ATP1A4: variants seen among roughly 807,000 people sequenced by gnomAD.
ATP1A4 encodes ATPase Na+/K+ transporting subunit alpha 4.
Under a neutral mutation model 114.3 loss-of-function variants are expected in ATP1A4, and 90 were observed. That is an observed-to-expected ratio of 0.79 (90% confidence interval 0.66 to 0.94). ATP1A4 has a LOEUF of 0.94. ATP1A4 is among the 40% of genes least tolerant of loss of function. The pLI, the probability that ATP1A4 is intolerant of heterozygous loss-of-function variation, is 0.00. For missense variants in ATP1A4, 1,222 were observed against 1,313.6 expected, an observed-to-expected ratio of 0.93 and a Z score of 1.08; for synonymous variants, 511 against 494.1, an observed-to-expected ratio of 1.03 and a Z score of -0.45.
In ATP1A4 at chr1:160,166,569, C is replaced by T. The variant is rs1653043378; in HGVS notation, c.1089C>T (p.Asn363=). Residue 363 remains asparagine (N), a synonymous_variant, in exon 8 of 22, where the codon AAC becomes AAT. Transcript: ENST00000368081. ...CAGCCAAGCGCATGGCGCGGAAGAA[C>T]TGCCTGGTGAAGAACCTGGAGGCGG... The part of the protein sequence containing the change: ...TLTAKRMARK[N]CLVKNLEAVE... The T allele has an allele frequency of 6.2e-7, 1 of 1,614,256 alleles. No individual in the cohort carries two copies. Among genetic ancestry groups the T allele is most frequent in the Admixed American group, 1.7e-5 (1 of 60,028 alleles).
intron 7 of ATP1A4, 46 bp downstream of exon 7, chr1:160,164,470 C>T (rs1257755836): frequency 6.2e-7 from 1 of 1,601,572 alleles, no homozygotes; most frequent in East Asian, 2.2e-5. Flanking sequence ...ACAAACCACC[C>T]CAGGGAAAAG....
chr1:160,179,578 G>A (rs1026034847), intron 18 of ATP1A4, among the ~76,000 whole-genome samples: 3 of 152,116 alleles, frequency 2.0e-5, no homozygotes, highest in African/African-American at 4.8e-5. Flanking sequence ...CCACCCACCC[G>A]GGAAGTGCAT....
At chr1:160,163,162 C>A (rs721547) in intron 6 of ATP1A4, among the ~76,000 whole-genome samples, 7,726 of 152,132 alleles carry the variant, frequency 0.051, 538 homozygotes, top group African/African-American at 0.16. Flanking sequence ...ATGGAAAAAA[C>A]AAGAAACAGC....
At position 160,173,577 on chromosome 1, in the gene ATP1A4, C is replaced by A; in HGVS notation, c.1855-4C>A. The stretch of plus-strand genomic sequence containing the variant: ...GCTCCTCTTCCCTCTCCTTCCCAAC[C>A]CAGGTGATCATGGTAACAGGAGATC... On this transcript the variant is annotated splice_polypyrimidine_tract_variant and splice_region_variant and intron_variant, in intron 12 of 21. Transcript: ENST00000368081. 1 of 1,613,100 alleles carries A rather than the reference C, an allele frequency of 6.2e-7. No individual in the cohort carries two copies. Among genetic ancestry groups the A allele is most frequent in the Non-Finnish European group, 8.5e-7 (1 of 1,179,102 alleles).
At chr1:160,156,561 A>G (rs1157760776) in intron 4 of ATP1A4, among the ~76,000 whole-genome samples, 1 of 152,132 alleles carries the variant, frequency 6.6e-6, no homozygotes, top group Non-Finnish European at 1.5e-5. Context: ...TAAACAGACC[A>G]GGCATAGTGG....
rs1203814525 is a variant in ATP1A4, at chr1:160,166,708, A to G, written c.1228A>G (p.Thr410Ala). ...WFDMTVYEAD[T>A]TEEQTGKTFT... ...TGATATGACCGTGTATGAGGCCGAC[A>G]CCACTGAAGAACAGACTGGTGACTA... Residue 410 changes from threonine to alanine, a missense_variant, in exon 8 of 22, where the codon ACC (threonine) becomes GCC (alanine). Transcript: ENST00000368081. 3.1e-6 allele frequency: 5 copies of G among 1,614,098 alleles called. No individual in the cohort carries two copies. The African/African-American group carries it at 5.3e-5, about 17-fold the overall frequency.
chr1:160,173,865 A>G, intron 13 of ATP1A4, 148 bp downstream of exon 13: 5 of 1,152,660 alleles, frequency 4.3e-6, no homozygotes, highest in Non-Finnish European at 6.0e-6. Flanking sequence ...ATAATAGGAA[A>G]ATAAAGTGAA....
rs185068780 is a variant in ATP1A4 at position 160,173,684 on chromosome 1, G to A, written c.1958G>A (p.Arg653Gln). Reference sequence around the variant, plus strand: ...GAGACGGCAGAGGAAGTCGCTGCCCGGCTTAAGATCCCTATCAGCAAGGTC... The same window carrying A: ...GAGACGGCAGAGGAAGTCGCTGCCCAGCTTAAGATCCCTATCAGCAAGGTC... ...GTETAEEVAARLKIPISKVDA... is the reference protein window; with the variant it reads ...GTETAEEVAAQLKIPISKVDA... The change falls in exon 13 of 22, where the codon CGG becomes CAG. Residue 653 changes from arginine to glutamine, a missense_variant. Transcript: ENST00000368081. 85 of 1,614,084 alleles carry A rather than the reference G, an allele frequency of 5.3e-5. No individual in the cohort carries two copies. Among genetic ancestry groups the A allele is most frequent in the East Asian group, 2.2e-4 (10 of 44,868 alleles).
chr1:160,152,895 C>T (rs1652505536), intron 1 of ATP1A4, among the ~76,000 whole-genome samples: 1 of 151,940 alleles, frequency 6.6e-6, no homozygotes, highest in Non-Finnish European at 1.5e-5. Flanking sequence ...TTAGCTGGTC[C>T]TGGTGATGGG....
At position 160,166,691 on chromosome 1, in the gene ATP1A4, C is replaced by A. The variant is rs200134737; in HGVS notation, c.1211C>A (p.Thr404Asn). Residue 404 changes from threonine to asparagine, a missense_variant, in exon 8 of 22, where the codon ACC (threonine) becomes AAC (asparagine). Thr to Asn is a moderately conservative substitution (Grantham distance 65, BLOSUM62 0). Coordinates refer to ENST00000368081, the MANE Select transcript of ATP1A4 (RefSeq NM_144699.4). Reference sequence around the variant, plus strand: ...GTCGCCCACATGTGGTTTGATATGACCGTGTATGAGGCCGACACCACTGAA... The same window carrying A: ...GTCGCCCACATGTGGTTTGATATGAACGTGTATGAGGCCGACACCACTGAA... ...MTVAHMWFDM[T>N]VYEADTTEEQ... 1 of 1,614,114 alleles carries A rather than the reference C, an allele frequency of 6.2e-7. No homozygotes were observed. The highest frequency in any genetic ancestry group is 1.3e-5 in the African/African-American group (1 of 75,008).
rs1274611493 is a variant in ATP1A4, at chr1:160,177,417, C to G, written c.2591-102C>G. 1.2e-5 allele frequency: 15 copies of G among 1,292,034 alleles called. No individual in the cohort carries two copies. In the African/African-American group the frequency reaches 1.6e-4, roughly 14 times the overall value. 80.0% of individuals were successfully genotyped at this position (1,292,034 alleles called of 1,614,324 possible). On this transcript the variant is annotated intron_variant, in intron 17 of 21. Transcript: ENST00000368081. Reference sequence around the variant, plus strand: ...GCATTACTCTTCAGACACACACCAGCCCAGCCAGAAGCAAGTCCCAGCCCC... The same window carrying G: ...GCATTACTCTTCAGACACACACCAGGCCAGCCAGAAGCAAGTCCCAGCCCC...
chr1:160,177,816 A>T (rs1653535626), intron 18 of ATP1A4, 152 bp downstream of exon 18: 2 of 825,656 alleles, frequency 2.4e-6, no homozygotes, highest in African/African-American at 3.5e-5. Context: ...GCCTTCTCAC[A>T]CTTGCCCTCA....
At chr1:160,166,001 G>A (rs1653015305) in intron 7 of ATP1A4, among the ~76,000 whole-genome samples, 2 of 152,174 alleles carry the variant, frequency 1.3e-5, no homozygotes, top group Admixed American at 1.3e-4. Flanking sequence ...CAGGCACGGT[G>A]GCTCACATCT....
intron 15 of ATP1A4, among the ~76,000 whole-genome samples, chr1:160,175,554 A>G (rs917063625): frequency 1.3e-5 from 2 of 151,934 alleles, no homozygotes; most frequent in African/African-American, 4.8e-5. Flanking sequence ...AAATAATTAA[A>G]TTATATAGTA....
At position 160,159,621 on chromosome 1, in the gene ATP1A4, G is replaced by C. The variant is rs1480811741; in HGVS notation, c.778+95G>C. On this transcript the variant is annotated intron_variant, in intron 6 of 21. Coordinates refer to ENST00000368081, the MANE Select transcript of ATP1A4 (RefSeq NM_144699.4). ...CTTCTAAAGGTAGCGAGGTAGGTAA[G>C]AGCCAGTAAAAAGTCGAGCTTCTCC... 7 of 1,145,700 alleles carry C rather than the reference G, an allele frequency of 6.1e-6. No individual in the cohort carries two copies. In the Admixed American group the frequency reaches 9.4e-5, roughly 15 times the overall value. The allele number at this position is 1,145,700 out of a possible 1,614,324, so 71.0% of individuals were successfully genotyped here. A position where few individuals can be genotyped will look rare whatever the true frequency, so the allele number is the denominator to read the frequency against.
In ATP1A4 at chr1:160,156,097, C is replaced by G. The variant is rs1280398242; in HGVS notation, c.464C>G (p.Ser155Cys). Residue 155 changes from serine to cysteine, a missense_variant, in exon 4 of 22, where the codon TCC becomes TGC. Ser to Cys is a moderately radical substitution (Grantham distance 112). Transcript: ENST00000368081. ...SVVVIVTGCF[S>C]YYQEAKSSKI... ...GTGGTCATCGTCACTGGCTGCTTCT[C>G]CTATTATCAGGAGGCCAAGAGCTCC... is the stretch of plus-strand genomic sequence containing the variant. 1.2e-6 allele frequency: 2 copies of G among 1,613,930 alleles called. No individual in the cohort carries two copies. Among genetic ancestry groups the G allele is most frequent in the South Asian group, 1.1e-5 (1 of 91,070 alleles).
rs1014883467 is a variant in ATP1A4, at chr1:160,151,727, C to A, written c.-314C>A. On this transcript the variant is annotated 5_prime_UTR_variant, in exon 1 of 22. Transcript: ENST00000368081. ...CACCTCTTGTTTCCTGCCCTCACTGCATTCCCTCACCTCTACCTTTTTATC... is the reference window on the plus strand; with the variant it reads ...CACCTCTTGTTTCCTGCCCTCACTGAATTCCCTCACCTCTACCTTTTTATC... 7.9e-6 allele frequency: 2 copies of A among 253,130 alleles called. No homozygotes were observed. Among genetic ancestry groups the A allele is most frequent in the African/African-American group, 2.2e-5 (1 of 45,320 alleles). The allele number at this position is 253,130 out of a possible 1,614,324, so 15.7% of individuals were successfully genotyped here. A position where few individuals can be genotyped will look rare whatever the true frequency, so the allele number is the denominator to read the frequency against.
At chr1:160,171,873 T>G in intron 12 of ATP1A4, 116 bp downstream of exon 12, 1 of 1,051,684 alleles carries the variant, frequency 9.5e-7, no homozygotes, top group Non-Finnish European at 1.3e-6. Flanking sequence ...GGATTTCTGT[T>G]TCCTTGGGCT....
At chr1:160,155,959 C>A in intron 3 of ATP1A4, 86 bp from the exon 4 acceptor site, 1 of 804,036 alleles carries the variant, frequency 1.2e-6, no homozygotes, top group Non-Finnish European at 2.2e-6. Flanking sequence ...CCTGGTGAAA[C>A]TGCTGTGCCC....
Sources: gnomAD v4.1 joint callset for allele counts (sites outside exome capture counted in the v4.1 genomes callset) on GRCh38, gnomAD v4.1.1 for gene constraint, MANE v1.5 for transcripts, NCBI Gene and HGNC (gene_info 2026-07-23, HGNC 2026-07-21) for gene names.